The following NBEAL1 variants were observed in gnomAD, a reference collection of about 807,000 sequenced individuals.
NBEAL1 encodes the protein neurobeachin like 1, also known as neurobeachin-like protein 1.
In NBEAL1, 273 loss-of-function variants were observed where a neutral mutation model predicts 351.3. The ratio of observed to expected loss-of-function variants is 0.78; its 90% CI spans 0.70 to 0.86. The LOEUF (loss-of-function observed/expected upper bound fraction) is 0.86, where lower values mean the gene tolerates loss of function less well. Among genes scored for constraint, NBEAL1 ranks in the 40% least tolerant of loss-of-function variants. NBEAL1 has a pLI of 0.00. For missense variants in NBEAL1, 2,961 were observed against 3,201.3 expected, an observed-to-expected ratio of 0.92 and a Z score of 1.81; for synonymous variants, 1,050 against 1,086.4, an observed-to-expected ratio of 0.97 and a Z score of 0.66.
intron 44 of NBEAL1, among the ~76,000 whole-genome samples, chr2:203,183,907 A>G (rs1431680030): frequency 6.6e-6 from 1 of 151,658 alleles, no homozygotes; most frequent in Non-Finnish European, 1.5e-5. Flanking sequence ...GTGAAACCTC[A>G]TGTCTACTAA....
chr2:203,191,412 G>T (rs2065085063), intron 46 of NBEAL1: 2 of 403,366 alleles, frequency 5.0e-6, no homozygotes, highest in Admixed American at 8.2e-5. Context: ...CCCTATACTG[G>T]TATCTGAAAT....
intron 48 of NBEAL1, among the ~76,000 whole-genome samples, chr2:203,199,111 C>T (rs2105804998): frequency 6.6e-6 from 1 of 152,290 alleles, no homozygotes; most frequent in East Asian, 1.9e-4. Flanking sequence ...CACTGTGCTC[C>T]AGCCTGGGCA....
chr2:203,155,247 C>A (rs370840980), intron 35 of NBEAL1, among the ~76,000 whole-genome samples: 180 of 137,986 alleles, frequency 1.3e-3, no homozygotes, highest in Middle Eastern at 3.7e-3. Context: ...AACCCTCTCT[C>A]AAAAAAAAAA....
intron 31 of NBEAL1, among the ~76,000 whole-genome samples, chr2:203,141,833 G>A (rs555707572): frequency 9.9e-5 from 15 of 152,094 alleles, no homozygotes; most frequent in African/African-American, 3.6e-4. Context: ...TCTGTATAGG[G>A]GTTATAATAG....
chr2:203,116,428 G>C (rs190521755), intron 18 of NBEAL1, among the ~76,000 whole-genome samples: 20 of 151,924 alleles, frequency 1.3e-4, no homozygotes, highest in Middle Eastern at 3.4e-3. Flanking sequence ...ATGTGATGTA[G>C]CCAAAAATTT....
intron 2 of NBEAL1, among the ~76,000 whole-genome samples, chr2:203,022,745 A>G (rs570834100): frequency 2.6e-5 from 4 of 152,096 alleles, no homozygotes; most frequent in Non-Finnish European, 4.4e-5. Flanking sequence ...TTCTCTTACT[A>G]TTTTATCAGT....
rs543058742 is a variant in NBEAL1, at chr2:203,180,147, C to T, written c.6465-235C>T. On this transcript the variant is annotated intron_variant, in intron 42 of 55. Transcript: ENST00000683969. ...AGTGTGATTTGGTTTTCAACTAATT[C>T]AACTAAGGTGCTACTGGTGATTAAA... Among the ~76,000 whole-genome samples the T allele has an allele frequency of 4.6e-5, 7 of 152,254 alleles. No homozygotes were observed. The East Asian group carries it at 1.4e-3, about 29-fold the overall frequency.
intron 30 of NBEAL1, 61 bp from the exon 31 acceptor site, chr2:203,138,559 G>T: frequency 6.8e-7 from 1 of 1,475,766 alleles, no homozygotes. Flanking sequence ...GGGGAAAATT[G>T]ATCATCAGTA....
intron 12 of NBEAL1, 117 bp from the exon 13 acceptor site, chr2:203,107,303 T>C (rs1309470451): frequency 5.8e-6 from 3 of 515,946 alleles, no homozygotes; most frequent in Non-Finnish European, 6.7e-6. Flanking sequence ...TTCGTGTCTT[T>C]TTCTTTATTT....
chr2:203,055,154 A>C (rs993036846), intron 4 of NBEAL1, among the ~76,000 whole-genome samples: 1 of 152,176 alleles, frequency 6.6e-6, no homozygotes, highest in African/African-American at 2.4e-5. Flanking sequence ...TTTTAAAAAA[A>C]GTTTTGTCCA....
chr2:203,100,330 T>G (rs1401739912), intron 12 of NBEAL1, among the ~76,000 whole-genome samples: 2 of 152,180 alleles, frequency 1.3e-5, no homozygotes, highest in Non-Finnish European at 2.9e-5. Flanking sequence ...GCCAGACTGC[T>G]TTACATAATG....
At position 203,217,252 on chromosome 2, in the gene NBEAL1, G is replaced by A; in HGVS notation, c.8071-1G>A. Reference sequence around the variant, plus strand: ...TCATTTCTTTGGATTACTTTACACAGATGCGTTCAGGTCAGCTTTCTCGAA... The same window carrying A: ...TCATTTCTTTGGATTACTTTACACAAATGCGTTCAGGTCAGCTTTCTCGAA... On this transcript the variant is annotated splice_acceptor_variant, in intron 55 of 55. Transcript: ENST00000683969. LOFTEE classifies it high-confidence loss of function. 6.4e-7 allele frequency: 1 copy of A among 1,569,552 alleles called. No individual in the cohort carries two copies. Among genetic ancestry groups the A allele is most frequent in the Non-Finnish European group, 8.6e-7 (1 of 1,159,852 alleles).
At chr2:203,072,513 C>T (rs1268916011) in intron 7 of NBEAL1, among the ~76,000 whole-genome samples, 2 of 151,878 alleles carry the variant, frequency 1.3e-5, no homozygotes, top group East Asian at 1.9e-4. Flanking sequence ...TCTGTCTGCT[C>T]ACATTTTAAC....
chr2:203,118,894 G>A (rs756791211), intron 18 of NBEAL1, among the ~76,000 whole-genome samples: 2 of 151,708 alleles, frequency 1.3e-5, no homozygotes, highest in Non-Finnish European at 2.9e-5. Context: ...GGGCCTGACT[G>A]GTCTTTTTGA....
intron 2 of NBEAL1, among the ~76,000 whole-genome samples, chr2:203,039,739 A>T (rs2061108222): frequency 6.6e-6 from 1 of 152,158 alleles, no homozygotes; most frequent in Non-Finnish European, 1.5e-5. Context: ...TGTTTACGTT[A>T]ATGATCCATT....
At position 203,218,265 on chromosome 2, in the gene NBEAL1, A is replaced by T. The variant is rs1320279491; in HGVS notation, c.*911A>T. On this transcript the variant is annotated 3_prime_UTR_variant, in exon 56 of 56. Coordinates refer to ENST00000683969, the MANE Select transcript of NBEAL1 (RefSeq NM_001378026.1). ...TATGTATAACTTAAAATAATCATTTATATATAGTAATTTAAAAATTTCTAT... is the reference window on the plus strand; with the variant it reads ...TATGTATAACTTAAAATAATCATTTTTATATAGTAATTTAAAAATTTCTAT... 1 of 152,134 alleles carries T rather than the reference A, an allele frequency of 6.6e-6. No individual in the cohort carries two copies. Among genetic ancestry groups the T allele is most frequent in the Non-Finnish European group, 1.5e-5 (1 of 68,012 alleles). The allele number at this position is 152,134 out of a possible 1,614,324, so 9.4% of individuals were successfully genotyped here. A position where few individuals can be genotyped will look rare whatever the true frequency, so the allele number is the denominator to read the frequency against.
chr2:203,043,927 A>G (rs973649882), intron 3 of NBEAL1, among the ~76,000 whole-genome samples: 1 of 152,162 alleles, frequency 6.6e-6, no homozygotes, highest in Non-Finnish European at 1.5e-5. Flanking sequence ...AGTACCATGC[A>G]TGCAATACAA....
intron 27 of NBEAL1, among the ~76,000 whole-genome samples, chr2:203,134,003 T>A (rs998298526): frequency 5.9e-5 from 9 of 152,082 alleles, no homozygotes; most frequent in Non-Finnish European, 8.8e-5. Context: ...TCTTTTTATG[T>A]TTTCCAATTT....
At chr2:203,146,210 G>A (rs991172294) in intron 33 of NBEAL1, among the ~76,000 whole-genome samples, 1 of 151,942 alleles carries the variant, frequency 6.6e-6, no homozygotes, top group Non-Finnish European at 1.5e-5. Context: ...TATATAACCT[G>A]AAAAGTCCTA....
Sources: gnomAD v4.1 joint callset for allele counts (sites outside exome capture counted in the v4.1 genomes callset) on GRCh38, gnomAD v4.1.1 for gene constraint, MANE v1.5 for transcripts, NCBI Gene and HGNC (gene_info 2026-07-23, HGNC 2026-07-21) for gene names.